PLIN1: variants seen among roughly 807,000 people sequenced by gnomAD.
PLIN1 encodes the protein perilipin 1, also known as perilipin-1.
A neutral mutation model predicts 45.8 loss-of-function variants in PLIN1; 37 were observed. The ratio of observed to expected loss-of-function variants is 0.81; its 90% CI spans 0.62 to 1.06. PLIN1 has a LOEUF of 1.06. PLIN1 is among the 50% of genes least tolerant of loss of function. PLIN1 has a pLI of 0.00. For missense variants in PLIN1, 776 were observed against 716.5 expected (o/e 1.08, Z -0.95); for synonymous variants, 340 against 309.2 (o/e 1.10, Z -1.05).
chr15:89,667,561 T>A (rs1023861560), intron 7 of PLIN1, 41 bp downstream of exon 7: 11 of 1,614,132 alleles, frequency 6.8e-6, no homozygotes, highest in Non-Finnish European at 8.5e-6. Flanking sequence ...TCACCCCTTC[T>A]GTGGGCTGGG....
In PLIN1 at chr15:89,665,956, A is replaced by G. The variant is rs1477853558; in HGVS notation, c.1210-14T>C. On this transcript the variant is annotated splice_polypyrimidine_tract_variant and intron_variant, in intron 8 of 8. Coordinates refer to ENST00000300055, the MANE Select transcript of PLIN1 (RefSeq NM_002666.5). ...CAGCCTGGGGAGCTGAGGGCCCGGC[A>G]GCCGCCTTAGAGTCCTGGCTTGGCC... 2 of 1,480,934 alleles carry G rather than the reference A, an allele frequency of 1.4e-6. No individual in the cohort carries two copies. Among genetic ancestry groups the G allele is most frequent in the Non-Finnish European group, 1.8e-6 (2 of 1,117,138 alleles). 91.7% of individuals were successfully genotyped at this position (1,480,934 alleles called of 1,614,324 possible).
In PLIN1 at chr15:89,670,002, G is replaced by C. The variant is rs750205728; in HGVS notation, c.576C>G (p.Leu192=). 1 of 1,612,606 alleles carries C rather than the reference G, an allele frequency of 6.2e-7. No homozygotes were observed. Among genetic ancestry groups the C allele is most frequent in the South Asian group, 1.1e-5 (1 of 90,874 alleles). Residue 192 remains leucine, a synonymous_variant, in exon 5 of 9, where the codon CTC becomes CTG. Transcript: ENST00000300055. ...GSIEKVVEYL[L]PPDKEESAPA... is the part of the protein sequence containing the mutation. Reference sequence around the variant, plus strand: ...TACCTGACTCTTCCTTGTCTGGAGGGAGGAGGTACTCCACCACCTTCTCAA... The same window carrying C: ...TACCTGACTCTTCCTTGTCTGGAGGCAGGAGGTACTCCACCACCTTCTCAA...
chr15:89,671,959 G>A (rs1054347337), intron 3 of PLIN1, among the ~76,000 whole-genome samples: 3 of 152,206 alleles, frequency 2.0e-5, no homozygotes, highest in African/African-American at 7.2e-5. Flanking sequence ...TCACCAACAA[G>A]TACCGTTCTT....
intron 6 of PLIN1, 118 bp from the exon 7 acceptor site, chr15:89,667,911 C>G: frequency 6.8e-7 from 1 of 1,464,610 alleles, no homozygotes; most frequent in Non-Finnish European, 9.0e-7. Context: ...AGGGCTCAGC[C>G]CCAGCAGACT....
intron 2 of PLIN1, among the ~76,000 whole-genome samples, chr15:89,675,538 C>T (rs8179060): frequency 0.072 from 10,928 of 151,908 alleles, 517 homozygotes; most frequent in East Asian, 0.13. Flanking sequence ...GACCAGGAGT[C>T]CGAGGCTGCA....
rs1262538983 is a variant in PLIN1 at position 89,665,797 on chromosome 15, G to A, written c.1355C>T (p.Pro452Leu). Residue 452 changes from proline to leucine, a missense_variant, in exon 9 of 9, where the codon CCC (proline) becomes CTC (leucine). By Grantham distance (98) the Pro-to-Leu change is moderately conservative. Coordinates refer to ENST00000300055, the MANE Select transcript of PLIN1 (RefSeq NM_002666.5). ...CTGCGCGCTGCGCAGGCTGCGGCGGGGCTGTGCGAGACGCGGGGCGGGCTC... is the reference window on the plus strand; with the variant it reads ...CTGCGCGCTGCGCAGGCTGCGGCGGAGCTGTGCGAGACGCGGGGCGGGCTC... ...GPEPAPRLAQ[P>L]RRSLRSAQSP... The A allele has an allele frequency of 1.5e-6, 2 of 1,324,404 alleles. No individual in the cohort carries two copies. The highest frequency in any genetic ancestry group is 1.9e-6 in the Non-Finnish European group (2 of 1,038,556). 82.0% of individuals were successfully genotyped at this position (1,324,404 alleles called of 1,614,324 possible).
rs1332411742 is a variant in PLIN1, at chr15:89,667,738, C to T, written c.827G>A (p.Arg276Lys). 7.0e-6 allele frequency: 11 copies of T among 1,568,274 alleles called. No homozygotes were observed. Among genetic ancestry groups the T allele is most frequent in the African/African-American group, 1.3e-5 (1 of 74,098 alleles). ...CAGCCAGGGTACCCGCACTTCGCTCCTCCGCCGGGACACCGCCTGCATGGC... is the reference window on the plus strand; with the variant it reads ...CAGCCAGGGTACCCGCACTTCGCTCTTCCGCCGGGACACCGCCTGCATGGC... ...SVAMQAVSRR[R>K]SEVRVPWLHS... Residue 276 changes from arginine to lysine, a missense_variant, in exon 7 of 9, where the codon AGG becomes AAG. Coordinates refer to ENST00000300055, the MANE Select transcript of PLIN1 (RefSeq NM_002666.5).
chr15:89,670,296 G>A, intron 4 of PLIN1, 52 bp from the exon 5 acceptor site: 2 of 1,575,186 alleles, frequency 1.3e-6, no homozygotes, highest in Non-Finnish European at 1.7e-6. Context: ...GGCCCTACAA[G>A]GGCTGCCCTT....
rs1365595257 is a variant in PLIN1 at position 89,665,787 on chromosome 15, G to T, written c.1365C>A (p.Ser455Arg). 3.1e-6 allele frequency: 4 copies of T among 1,273,484 alleles called. No individual in the cohort carries two copies. The highest frequency in any genetic ancestry group is 3.0e-6 in the Non-Finnish European group (3 of 1,013,944). 78.9% of individuals were successfully genotyped at this position (1,273,484 alleles called of 1,614,324 possible). Residue 455 changes from serine (S) to arginine (R), a missense_variant, in exon 9 of 9, where the codon AGC becomes AGA. Coordinates refer to ENST00000300055, the MANE Select transcript of PLIN1 (RefSeq NM_002666.5). ...PAPRLAQPRRSLRSAQSPGAP... is the reference protein window; with the variant it reads ...PAPRLAQPRRRLRSAQSPGAP... ...CGCCGGGGCTCTGCGCGCTGCGCAG[G>T]CTGCGGCGGGGCTGTGCGAGACGCG...
At chr15:89,672,343 T>C (rs953758349) in intron 3 of PLIN1, among the ~76,000 whole-genome samples, 3 of 152,240 alleles carry the variant, frequency 2.0e-5, no homozygotes, top group African/African-American at 7.2e-5. Flanking sequence ...CTTCATACTC[T>C]TTCATATATT....
At position 89,667,083 on chromosome 15, in the gene PLIN1, A is replaced by AGGT. The variant is rs1964357312; in HGVS notation, c.1059_1061dup (p.Pro354dup). ...TCCCTGCCATGCCCAGCACAGCTGC[A>AGGT]GGTGCCCATGTCACAGCCGAGATGG... On this transcript the variant is annotated inframe_insertion, in exon 8 of 9. Coordinates refer to ENST00000300055, the MANE Select transcript of PLIN1 (RefSeq NM_002666.5). 12 of 1,614,100 alleles carry AGGT rather than the reference A, an allele frequency of 7.4e-6. No individual in the cohort carries two copies. The highest frequency in any genetic ancestry group is 9.3e-6 in the Non-Finnish European group (11 of 1,179,982).
At chr15:89,677,262 C>G in intron 2 of PLIN1, 183 bp downstream of exon 2, 1 of 667,898 alleles carries the variant, frequency 1.5e-6, no homozygotes, top group Non-Finnish European at 2.7e-6. Flanking sequence ...TTTCCCCTCC[C>G]AGATCCTCCA....
At position 89,664,966 on chromosome 15, in the gene PLIN1, T is replaced by TGGACTCAGCCTGTGAAGCGGCGG. The variant is rs1364026148; in HGVS notation, c.*594_*616dup. 6.6e-6 allele frequency: 3 copies of TGGACTCAGCCTGTGAAGCGGCGG among 455,168 alleles called. No individual in the cohort carries two copies. In the East Asian group the frequency reaches 2.1e-4, roughly 32 times the overall value. 28.2% of individuals were successfully genotyped at this position (455,168 alleles called of 1,614,324 possible). ...GCTGGCTCTACAAAGCACACAGGCC[T>TGGACTCAGCCTGTGAAGCGGCGG]GGACTCAGCCTGTGAAGCGGCGGGT... On this transcript the variant is annotated 3_prime_UTR_variant, in exon 9 of 9. Coordinates refer to ENST00000300055, the MANE Select transcript of PLIN1 (RefSeq NM_002666.5).
chr15:89,675,444 A>AAAAAAAAC (rs1567080451), intron 2 of PLIN1, among the ~76,000 whole-genome samples: 2 of 138,486 alleles, frequency 1.4e-5, no homozygotes, highest in Non-Finnish European at 3.1e-5. Context: ...AAAAAAAAAA[A>AAAAAAAAC]AAAGCTGGCC....
chr15:89,665,294 T>C lies in PLIN1; in HGVS notation c.*289A>G. The C allele has an allele frequency of 3.5e-6, 1 of 283,572 alleles. No individual in the cohort carries two copies. The highest frequency in any genetic ancestry group is 6.6e-6 in the Non-Finnish European group (1 of 151,786). 17.6% of individuals were successfully genotyped at this position (283,572 alleles called of 1,614,324 possible). A position where few individuals can be genotyped will look rare whatever the true frequency, so the allele number is the denominator to read the frequency against. ...CAAGTTTGGTTAAAGAGATGAAAAA[T>C]CAAGTTAGGCAATTACTCTTATAGT... is the stretch of plus-strand genomic sequence containing the variant. On this transcript the variant is annotated 3_prime_UTR_variant, in exon 9 of 9. Coordinates refer to ENST00000300055, the MANE Select transcript of PLIN1 (RefSeq NM_002666.5).
chr15:89,668,850 G>T (rs1025888282), intron 6 of PLIN1, among the ~76,000 whole-genome samples: 1 of 152,212 alleles, frequency 6.6e-6, no homozygotes, highest in African/African-American at 2.4e-5. Context: ...TGGCTGAAAA[G>T]TAGTCATCTT....
rs1208494169 is a variant in PLIN1 at position 89,664,900 on chromosome 15, G to A, written c.*683C>T. 6 of 455,974 alleles carry A rather than the reference G, an allele frequency of 1.3e-5. No homozygotes were observed. The highest frequency in any genetic ancestry group is 2.0e-5 in the African/African-American group (1 of 50,066). 28.2% of individuals were successfully genotyped at this position (455,974 alleles called of 1,614,324 possible). On this transcript the variant is annotated 3_prime_UTR_variant, in exon 9 of 9. Transcript: ENST00000300055. The stretch of plus-strand genomic sequence containing the variant: ...TCAAAAGAGTGACTATGCAGGTGAA[G>A]GCAGTAATGATGCAAATGGAAATGT...
rs1284004520 is a variant in PLIN1, at chr15:89,670,153, A to C, written c.425T>G (p.Val142Gly). The C allele has an allele frequency of 1.2e-6, 2 of 1,614,146 alleles. No homozygotes were observed. Among genetic ancestry groups the C allele is most frequent in the Non-Finnish European group, 8.5e-7 (1 of 1,180,014 alleles). ...SVPIASTSDK[V>G]LGAALAGCEL... ...GCACCCGGCCAAAGCGGCCCCCAGG[A>C]CCTTGTCTGAAGTGCTCGCGATGGG... is the stretch of plus-strand genomic sequence containing the variant. The change falls in exon 5 of 9, where the codon GTC (valine) becomes GGC (glycine). Residue 142 changes from valine to glycine, a missense_variant. Val to Gly is a moderately radical substitution (Grantham distance 109). Transcript: ENST00000300055.
chr15:89,673,392 C>G lies in PLIN1; in HGVS notation c.68G>C (p.Arg23Pro), dbSNP rs558758115. Residue 23 changes from arginine (R) to proline (P), a missense_variant, in exon 3 of 9, where the codon CGG (arginine) becomes CCG (proline). Physicochemically the swap from Arg to Pro is moderately radical, Grantham distance 103 (BLOSUM62 -2). Transcript: ENST00000300055. ...DLPEQENVLQ[R>P]VLQLPVVSGT... Reference sequence around the variant, plus strand: ...ACTCACCACCGGCAGCTGCAGGACCCGCTGCAGCACATTCTCCTGCTCCTG... The same window carrying G: ...ACTCACCACCGGCAGCTGCAGGACCGGCTGCAGCACATTCTCCTGCTCCTG... The G allele has an allele frequency of 4.4e-6, 7 of 1,602,218 alleles. No homozygotes were observed. Among genetic ancestry groups the G allele is most frequent in the East Asian group, 2.3e-5 (1 of 44,420 alleles).
Sources: gnomAD v4.1 joint callset for allele counts (sites outside exome capture counted in the v4.1 genomes callset) on GRCh38, gnomAD v4.1.1 for gene constraint, MANE v1.5 for transcripts, NCBI Gene and HGNC (gene_info 2026-07-23, HGNC 2026-07-21) for gene names.